Variants in ATG2B observed in about 807,000 individuals in gnomAD.
ATG2B encodes the protein autophagy related 2B.
In ATG2B, 121 loss-of-function variants were observed where a neutral mutation model predicts 241.3. The ratio of observed to expected loss-of-function variants is 0.50; its 90% CI spans 0.43 to 0.58. The LOEUF (loss-of-function observed/expected upper bound fraction) is 0.58, where lower values mean the gene tolerates loss of function less well. ATG2B is among the 20% of genes least tolerant of loss of function. ATG2B has a pLI of 0.00. For missense variants in ATG2B, 2,306 were observed against 2,491.6 expected (o/e 0.93, Z 1.59); for synonymous variants, 858 against 876.6 (o/e 0.98, Z 0.37).
intron 1 of ATG2B, among the ~76,000 whole-genome samples, chr14:96,351,641 T>A (rs1054422218): frequency 6.7e-6 from 1 of 150,136 alleles, no homozygotes; most frequent in African/African-American, 2.5e-5. Flanking sequence ...GAGGCTGAGG[T>A]AGGAGAATCA....
In ATG2B at chr14:96,289,526, AT is replaced by A; in HGVS notation, c.6006+129del. ...CCTCACACAGATATGGGCACATGTT[AT>A]TAGTGGCAGTTGCCATTCTGCTCCC... On this transcript the variant is annotated intron_variant, in intron 41 of 41. Transcript: ENST00000359933. This position sits in a 1 kb window ranked among gnomAD's most constrained non-coding sequence, Gnocchi z 4.3. 9.2e-7 allele frequency: 1 copy of A among 1,091,006 alleles called. No homozygotes were observed. The highest frequency in any genetic ancestry group is 2.4e-5 in the East Asian group (1 of 41,314). 67.6% of individuals were successfully genotyped at this position (1,091,006 alleles called of 1,614,324 possible). A position where few individuals can be genotyped will look rare whatever the true frequency, so the allele number is the denominator to read the frequency against.
At chr14:96,329,711 G>C in intron 11 of ATG2B, 77 bp from the exon 12 acceptor site, 1 of 916,036 alleles carries the variant, frequency 1.1e-6, no homozygotes, top group Non-Finnish European at 1.6e-6. Context: ...ACAAGTTCAA[G>C]TTATCAATAA....
At chr14:96,317,077 A>G (rs1475105252) in intron 20 of ATG2B, 68 bp downstream of exon 20, 4 of 1,352,930 alleles carry the variant, frequency 3.0e-6, no homozygotes, top group Non-Finnish European at 4.1e-6. Flanking sequence ...ATCACTAGAT[A>G]TGTATCCTAG....
At chr14:96,341,445 A>T in intron 6 of ATG2B, 77 bp downstream of exon 6, 2 of 1,106,592 alleles carry the variant, frequency 1.8e-6, no homozygotes, top group South Asian at 2.2e-5. Flanking sequence ...GTAATCAATC[A>T]GTGAATCACT....
intron 1 of ATG2B, among the ~76,000 whole-genome samples, chr14:96,355,794 T>C (rs1888456704): frequency 6.6e-6 from 1 of 152,152 alleles, no homozygotes; most frequent in African/African-American, 2.4e-5. Context: ...CGTAATTCCA[T>C]AGATTAACTA....
At chr14:96,328,607 A>G (rs1348990889) in intron 13 of ATG2B, 67 bp downstream of exon 13, 81 of 1,554,364 alleles carry the variant, frequency 5.2e-5, no homozygotes, top group Non-Finnish European at 6.7e-5. Context: ...TTAAAACCTT[A>G]TAATTGTGAC....
In ATG2B at chr14:96,328,710, C is replaced by T. The variant is rs1312605483; in HGVS notation, c.1938G>A (p.Gln646=). Residue 646 remains glutamine (Q), a synonymous_variant, in exon 13 of 42, where the codon CAG becomes CAA. Transcript: ENST00000359933. ...ETGSHSPVCL[Q]LHYKHSENRG... ...TATTCTCAGAATGCTTATAATGAAG[C>T]TGAAGACACACAGGGGAATGGGAAC... 5 of 1,611,968 alleles carry T rather than the reference C, an allele frequency of 3.1e-6. No homozygotes were observed. Among genetic ancestry groups the T allele is most frequent in the African/African-American group, 2.7e-5 (2 of 74,784 alleles).
chr14:96,313,041 A>G, intron 25 of ATG2B, 24 bp downstream of exon 25: 2 of 1,431,284 alleles, frequency 1.4e-6, no homozygotes, highest in Non-Finnish European at 2.0e-6. Context: ...TTTGTTTAGT[A>G]TACAATGAAG....
intron 12 of ATG2B, 148 bp from the exon 13 acceptor site, chr14:96,328,914 AAGTT>A (rs1887657061): frequency 3.7e-6 from 2 of 539,538 alleles, no homozygotes; most frequent in South Asian, 6.0e-5. Context: ...AACCTTAGAC[AAGTT>A]AGTTAACTCA....
chr14:96,337,560 T>C (rs1253413959), intron 6 of ATG2B, among the ~76,000 whole-genome samples: 2 of 152,234 alleles, frequency 1.3e-5, no homozygotes, highest in Non-Finnish European at 2.9e-5. Context: ...TATGTTTTTG[T>C]ATGCTTTGTC....
chr14:96,320,014 G>T (rs1282643459), intron 18 of ATG2B, among the ~76,000 whole-genome samples: 3 of 152,016 alleles, frequency 2.0e-5, no homozygotes. Context: ...GTTAGTGGAA[G>T]GTATTTAATA....
At chr14:96,296,696 G>A (rs796566636) in intron 34 of ATG2B, among the ~76,000 whole-genome samples, 5 of 151,502 alleles carry the variant, frequency 3.3e-5, no homozygotes, top group African/African-American at 1.2e-4. Context: ...GGGAGGCGGA[G>A]GCTGCAGTGA....
intron 36 of ATG2B, 62 bp downstream of exon 36, chr14:96,294,898 T>C: frequency 6.8e-7 from 1 of 1,471,976 alleles, no homozygotes; most frequent in Non-Finnish European, 9.4e-7. Context: ...CACACATACA[T>C]CACAGAACAA....
chr14:96,328,587 T>A, intron 13 of ATG2B, 52 bp from the exon 14 acceptor site: 1 of 1,555,848 alleles, frequency 6.4e-7, no homozygotes, highest in East Asian at 2.3e-5. Context: ...AAAACTACTA[T>A]ATAATTGGGT....
At position 96,341,592 on chromosome 14, in the gene ATG2B, A is replaced by G. The variant is rs749912321; in HGVS notation, c.854T>C (p.Ile285Thr). The change falls in exon 6 of 42, where the codon ATT becomes ACT. Residue 285 changes from isoleucine to threonine, a missense_variant. Ile to Thr is a moderately conservative substitution (Grantham distance 89, BLOSUM62 -1). Transcript: ENST00000359933. ...CTCCAACCTACCAATTAACCGTCCA[A>G]TCTGCACTGGGTCAGAAGGTGCTAT... is the stretch of plus-strand genomic sequence containing the variant. ...PEIAPSDPVQ[I>T]GRLIGRLELS... The G allele has an allele frequency of 3.7e-5, 60 of 1,606,502 alleles. No homozygotes were observed. Among genetic ancestry groups the G allele is most frequent in the African/African-American group, 5.4e-5 (4 of 74,762 alleles).
chr14:96,290,662 T>G lies in ATG2B; in HGVS notation c.5702-72A>C. ...TTTCTATCATTCTAACCCTGGGGTTTTTAACTCCTAAAACTGGAGGCAAAG... is the reference window on the plus strand; with the variant it reads ...TTTCTATCATTCTAACCCTGGGGTTGTTAACTCCTAAAACTGGAGGCAAAG... On this transcript the variant is annotated intron_variant, in intron 39 of 41. Coordinates refer to ENST00000359933, the MANE Select transcript of ATG2B (RefSeq NM_018036.7). The surrounding 1 kb of genome is among the most constrained non-coding windows in gnomAD (Gnocchi z 4.4). 3.2e-6 allele frequency: 5 copies of G among 1,585,174 alleles called. No individual in the cohort carries two copies. The highest frequency in any genetic ancestry group is 4.3e-6 in the Non-Finnish European group (5 of 1,164,326).
chr14:96,357,268 A>G (rs781532931), intron 1 of ATG2B, among the ~76,000 whole-genome samples: 1 of 152,086 alleles, frequency 6.6e-6, no homozygotes, highest in Non-Finnish European at 1.5e-5. Flanking sequence ...ATCCTTTACA[A>G]TTTAAAATGT....
intron 1 of ATG2B, among the ~76,000 whole-genome samples, chr14:96,354,179 G>A (rs1400778208): frequency 2.6e-5 from 4 of 152,094 alleles, no homozygotes; most frequent in Non-Finnish European, 5.9e-5. Context: ...GTACATCCAG[G>A]TTTGTTACAT....
chr14:96,295,172 A>G lies in ATG2B; in HGVS notation c.5219-5T>C. The G allele has an allele frequency of 1.2e-6, 2 of 1,611,926 alleles. No homozygotes were observed. The highest frequency in any genetic ancestry group is 1.1e-5 in the South Asian group (1 of 90,890). On this transcript the variant is annotated splice_region_variant and splice_polypyrimidine_tract_variant and intron_variant, in intron 35 of 41. Coordinates refer to ENST00000359933, the MANE Select transcript of ATG2B (RefSeq NM_018036.7). ...CAGCTCCAGGAGACTTTTTAACTGA[A>G]AATGTAATGTGCATGTTTGAAAAAT...
Sources: allele counts gnomAD v4.1 joint callset (sites outside exome capture counted in the v4.1 genomes callset), GRCh38; gene constraint gnomAD v4.1.1; non-coding constraint Gnocchi (gnomAD v3.1); transcripts MANE v1.5; gene names NCBI Gene and HGNC (gene_info 2026-07-23, HGNC 2026-07-21).